The following ELF1 variants were observed in gnomAD, a reference collection of about 807,000 sequenced individuals.
The protein encoded by ELF1 is E74 like ETS transcription factor 1, also known as ETS-related transcription factor Elf-1.
A neutral mutation model predicts 59.9 loss-of-function variants in ELF1; 24 were observed. The ratio of observed to expected loss-of-function variants is 0.40; its 90% CI spans 0.29 to 0.56. The LOEUF is 0.56. Among genes scored for constraint, ELF1 ranks in the 20% least tolerant of loss-of-function variants. The probability of loss-of-function intolerance (pLI) is 0.44; values close to 1 mark genes in which losing one functional copy is unlikely to be tolerated. For synonymous variants in ELF1, 248 were observed against 266.2 expected (o/e 0.93, Z 0.67); for missense variants, 627 against 742.2 (o/e 0.84, Z 1.80).
intron 1 of ELF1, among the ~76,000 whole-genome samples, chr13:41,003,020 T>C (rs568656168): frequency 6.7e-6 from 1 of 150,296 alleles, no homozygotes; most frequent in Admixed American, 6.6e-5. Context: ...TTTCTTAATA[T>C]TTACTTACTA....
chr13:41,030,391 C>CA (rs1220322773), intron 1 of ELF1, among the ~76,000 whole-genome samples: 1 of 151,846 alleles, frequency 6.6e-6, no homozygotes, highest in African/African-American at 2.4e-5. Flanking sequence ...TAAAAACAAA[C>CA]AAAAAACCCT....
chr13:40,963,776 A>G (rs902394532), intron 2 of ELF1, among the ~76,000 whole-genome samples: 1 of 152,112 alleles, frequency 6.6e-6, no homozygotes, highest in African/African-American at 2.4e-5. Flanking sequence ...GCATGGTGGC[A>G]TGAGCCTATA....
intron 1 of ELF1, among the ~76,000 whole-genome samples, chr13:41,059,925 G>A (rs1025249936): frequency 1.3e-5 from 2 of 152,126 alleles, no homozygotes; most frequent in African/African-American, 2.4e-5. Flanking sequence ...TTGGAAAGTC[G>A]ATATACTTAT....
chr13:41,049,254 C>G (rs1302995531), intron 1 of ELF1, among the ~76,000 whole-genome samples: 1 of 152,134 alleles, frequency 6.6e-6, no homozygotes, highest in Non-Finnish European at 1.5e-5. Flanking sequence ...CCTCAATTAC[C>G]CTTGACAATT....
rs374675427 is a variant in ELF1, at chr13:40,998,208, G to T, written c.-228-15926C>A. On this transcript the variant is annotated intron_variant, in intron 1 of 8. Transcript: ENST00000239882. ...GAGAAATGAAAATATGGAAGGCCAT[G>T]GGCTTAGTACTGTAAGATATATACA... is the stretch of plus-strand genomic sequence containing the variant. Among the ~76,000 whole-genome samples the T allele has an allele frequency of 3.9e-5, 6 of 152,246 alleles. No individual in the cohort carries two copies. The East Asian group carries it at 1.2e-3, about 29-fold the overall frequency.
At chr13:40,936,184 G>A (rs996866119) in intron 8 of ELF1, among the ~76,000 whole-genome samples, 8 of 152,062 alleles carry the variant, frequency 5.3e-5, no homozygotes, top group African/African-American at 1.9e-4. Flanking sequence ...AAGAAGAGAG[G>A]CCATCTGACT....
chr13:41,017,140 T>C (rs77851102), intron 1 of ELF1, among the ~76,000 whole-genome samples: 1,738 of 151,348 alleles, frequency 0.011, 41 homozygotes, highest in African/African-American at 0.039. Context: ...AGAAATAAAA[T>C]GAATGCATCA....
At position 40,942,755 on chromosome 13, in the gene ELF1, C is replaced by A. The variant is rs570772828; in HGVS notation, c.806+197G>T. 9.5e-4 allele frequency among the ~76,000 whole-genome samples: 145 copies of A among 152,258 alleles called. 1 individual carries two copies. The highest frequency in any genetic ancestry group is 3.5e-3 in the African/African-American group (144 of 41,528). On this transcript the variant is annotated intron_variant, in intron 7 of 8. Coordinates refer to ENST00000239882, the MANE Select transcript of ELF1 (RefSeq NM_172373.4). ...CAGGCTGGTCTTAAACTCCTGGACT[C>A]AAGCAATCCACCGGCCTCAGCCTCC...
intron 1 of ELF1, among the ~76,000 whole-genome samples, chr13:41,014,170 A>G (rs1875230556): frequency 6.6e-6 from 1 of 152,176 alleles, no homozygotes; most frequent in African/African-American, 2.4e-5. Flanking sequence ...TTTGGACAGC[A>G]GGACTGAGAG....
At chr13:40,976,570 T>A (rs748320155) in intron 2 of ELF1, among the ~76,000 whole-genome samples, 2 of 152,198 alleles carry the variant, frequency 1.3e-5, no homozygotes, top group Non-Finnish European at 2.9e-5. Context: ...AGACGGAGTT[T>A]CACTCTTGTT....
chr13:40,933,687 G>C lies in ELF1; in HGVS notation c.1598C>G (p.Pro533Arg). ...ACTGCGAGGAGAAAAGGTCACCACA[G>C]GTGCAGTAGCACTGAAGGATGGAGA... Reference protein sequence around the residue: ...ASSPSFSATAPVVTFSPRSSQ... With the variant: ...ASSPSFSATARVVTFSPRSSQ... The change falls in exon 9 of 9, where the codon CCT becomes CGT. Residue 533 changes from proline (P) to arginine (R), a missense_variant. Physicochemically the swap from Pro to Arg is moderately radical, Grantham distance 103 (BLOSUM62 -2). This residue lies in a region of ELF1 where 361 missense variants were observed against 396.1 expected (regional missense o/e 0.91). Transcript: ENST00000239882. 6.2e-7 allele frequency: 1 copy of C among 1,614,282 alleles called. No individual in the cohort carries two copies. The highest frequency in any genetic ancestry group is 8.5e-7 in the Non-Finnish European group (1 of 1,180,058).
intron 1 of ELF1, among the ~76,000 whole-genome samples, chr13:41,041,203 C>T (rs1447028298): frequency 6.8e-6 from 1 of 147,564 alleles, no homozygotes; most frequent in African/African-American, 2.5e-5. Context: ...AGAGAAGAAC[C>T]TATACAGAGC....
At chr13:40,994,377 T>C (rs569219599) in intron 1 of ELF1, among the ~76,000 whole-genome samples, 9 of 152,300 alleles carry the variant, frequency 5.9e-5, no homozygotes, top group African/African-American at 2.2e-4. Flanking sequence ...GTGCAGTGGC[T>C]CATGCCTGTA....
chr13:40,940,401 A>C (rs1327634995), intron 8 of ELF1, among the ~76,000 whole-genome samples: 245 of 147,610 alleles, frequency 1.7e-3, no homozygotes, highest in African/African-American at 5.9e-3. Context: ...AAAAAAAAAA[A>C]AAAAAAAAAA....
chr13:40,993,202 C>T (rs2138310259), intron 1 of ELF1: 1 of 1,534,362 alleles, frequency 6.5e-7, no homozygotes, highest in African/African-American at 1.4e-5. Flanking sequence ...TTCTTCATTC[C>T]TAACAGTGAG....
chr13:41,021,993 T>C (rs1048100225), upstream of ELF1, among the ~76,000 whole-genome samples: 2 of 152,228 alleles, frequency 1.3e-5, no homozygotes, highest in Admixed American at 6.5e-5. Context: ...CTTCGGAAGA[T>C]AGTTTAGCAG....
chr13:40,945,003 C>CT (rs1870416806), intron 5 of ELF1, among the ~76,000 whole-genome samples: 1 of 152,186 alleles, frequency 6.6e-6, no homozygotes, highest in South Asian at 2.1e-4. Flanking sequence ...TCTTCAGTCT[C>CT]TAAGACTGCC....
chr13:40,955,050 C>T (rs1395224022), intron 3 of ELF1, among the ~76,000 whole-genome samples: 1 of 150,244 alleles, frequency 6.7e-6, no homozygotes, highest in Admixed American at 6.6e-5. Flanking sequence ...GGGAGCGCCT[C>T]TGCCCTGCCG....
intron 1 of ELF1, among the ~76,000 whole-genome samples, chr13:40,990,110 C>G (rs1873766335): frequency 6.6e-6 from 1 of 152,074 alleles, no homozygotes. Flanking sequence ...CATTATTTAG[C>G]AAACATTCAA....
Sources: allele counts gnomAD v4.1 joint callset (sites outside exome capture counted in the v4.1 genomes callset), GRCh38; gene constraint gnomAD v4.1.1; regional missense constraint gnomAD v4.1.1; transcripts MANE v1.5; gene names NCBI Gene and HGNC (gene_info 2026-07-23, HGNC 2026-07-21).